The following CNTN4 variants were observed in gnomAD, a reference collection of about 807,000 sequenced individuals.
CNTN4 encodes the protein contactin-4.
Under a neutral mutation model 122.5 loss-of-function variants are expected in CNTN4, and 77 were observed. The observed-to-expected ratio is 0.63, with a 90% CI of 0.52 to 0.76. The LOEUF (loss-of-function observed/expected upper bound fraction) is 0.76. Ranked by LOEUF, CNTN4 falls within the 30% of genes least tolerant of loss-of-function variation. The pLI, the probability that CNTN4 is intolerant of heterozygous loss-of-function variation, is 0.00. For missense variants in CNTN4, 1,256 were observed against 1,259.1 expected, an observed-to-expected ratio of 1.00 and a Z score of 0.04; for synonymous variants, 512 against 447.0, an observed-to-expected ratio of 1.15 and a Z score of -1.83.
chr3:2,922,248 C>A (rs1041054640), intron 12 of CNTN4, among the ~76,000 whole-genome samples: 28 of 152,208 alleles, frequency 1.8e-4, no homozygotes, highest in African/African-American at 6.5e-4. Flanking sequence ...TAATAGTGCC[C>A]TTCTGGGGAT....
rs185487946 is a variant in CNTN4 at position 2,310,833 on chromosome 3, G to T, written c.-144-28345G>T. Among the ~76,000 whole-genome samples, 326 of 152,178 alleles carry T rather than the reference G, an allele frequency of 2.1e-3. 1 individual carries two copies. Among genetic ancestry groups the T allele is most frequent in the African/African-American group, 7.4e-3 (308 of 41,542 alleles). On this transcript the variant is annotated intron_variant, in intron 2 of 24. Coordinates refer to ENST00000418658, the MANE Select transcript of CNTN4 (RefSeq NM_175607.3). ...ATACAGAAATAAAAGGATTGCATTTGAATACTGAAAAATTGTCTTACTGCC... is the reference window on the plus strand; with the variant it reads ...ATACAGAAATAAAAGGATTGCATTTTAATACTGAAAAATTGTCTTACTGCC...
chr3:2,334,650 G>A (rs1210738171), intron 2 of CNTN4, among the ~76,000 whole-genome samples: 2 of 152,146 alleles, frequency 1.3e-5, no homozygotes, highest in Non-Finnish European at 2.9e-5. Context: ...AATGTACAGA[G>A]TGACTAAGCG....
intron 4 of CNTN4, among the ~76,000 whole-genome samples, chr3:2,706,301 A>T (rs1319549688): frequency 6.6e-6 from 1 of 152,088 alleles, no homozygotes; most frequent in Non-Finnish European, 1.5e-5. Context: ...CCTGGTTTCC[A>T]TCCACTCAGA....
At chr3:2,538,739 G>T (rs1298097101) in intron 3 of CNTN4, among the ~76,000 whole-genome samples, 1 of 151,782 alleles carries the variant, frequency 6.6e-6, no homozygotes, top group African/African-American at 2.4e-5. Flanking sequence ...GAATAACAAA[G>T]AAATAAAATA....
At chr3:2,491,359 C>T (rs887785849) in intron 3 of CNTN4, among the ~76,000 whole-genome samples, 12 of 152,230 alleles carry the variant, frequency 7.9e-5, no homozygotes, top group East Asian at 1.9e-4. Flanking sequence ...AGATGCCTTA[C>T]GCTCTAATGG....
intron 15 of CNTN4, among the ~76,000 whole-genome samples, chr3:3,027,327 G>A (rs566261644): frequency 2.3e-4 from 35 of 152,262 alleles, no homozygotes; most frequent in African/African-American, 7.0e-4. Context: ...AAGTTAATTC[G>A]TTACATCAGT....
intron 2 of CNTN4, among the ~76,000 whole-genome samples, chr3:2,207,032 A>G (rs1450356333): frequency 1.3e-5 from 2 of 150,982 alleles, no homozygotes; most frequent in East Asian, 2.0e-4. Context: ...TCTTATTATT[A>G]TATTGTTACA....
chr3:2,235,041 G>A (rs868133976), intron 2 of CNTN4, among the ~76,000 whole-genome samples: 3 of 152,092 alleles, frequency 2.0e-5, no homozygotes, highest in African/African-American at 4.8e-5. Flanking sequence ...CTTATCTGTT[G>A]TATAGATAAC....
intron 7 of CNTN4, among the ~76,000 whole-genome samples, chr3:2,845,336 T>C (rs2093437785): frequency 6.6e-6 from 1 of 152,100 alleles, no homozygotes; most frequent in Non-Finnish European, 1.5e-5. Context: ...CCTAGTCCAC[T>C]GTCAACTTTA....
At chr3:2,730,043 A>G (rs1391419150) in intron 4 of CNTN4, among the ~76,000 whole-genome samples, 1 of 152,242 alleles carries the variant, frequency 6.6e-6, no homozygotes, top group African/African-American at 2.4e-5. Context: ...CCTGTTAACA[A>G]GCACTCTTAG....
intron 7 of CNTN4, among the ~76,000 whole-genome samples, chr3:2,856,892 T>G (rs1040634413): frequency 1.3e-5 from 2 of 152,198 alleles, no homozygotes; most frequent in Non-Finnish European, 1.5e-5. Flanking sequence ...ACAGAGGATT[T>G]GTGTGGGAAG....
intron 23 of CNTN4, among the ~76,000 whole-genome samples, chr3:3,045,828 C>G (rs1374049140): frequency 2.0e-5 from 3 of 152,272 alleles, no homozygotes. Flanking sequence ...CCAAACTTCT[C>G]CGAGCTAAAG....
chr3:2,378,748 G>A (rs1167050528), intron 3 of CNTN4, among the ~76,000 whole-genome samples: 1 of 149,552 alleles, frequency 6.7e-6, no homozygotes, highest in South Asian at 2.1e-4. Context: ...TTTTTTTTTT[G>A]AAGAAGGATT....
chr3:2,852,537 G>A (rs1194295242), intron 7 of CNTN4, among the ~76,000 whole-genome samples: 1 of 152,096 alleles, frequency 6.6e-6, no homozygotes, highest in Admixed American at 6.5e-5. Context: ...GTGCTACCAT[G>A]TGCTCGACAC....
chr3:2,112,527 T>C (rs1351947988), intron 2 of CNTN4, among the ~76,000 whole-genome samples: 2 of 152,160 alleles, frequency 1.3e-5, no homozygotes, highest in Non-Finnish European at 2.9e-5. Flanking sequence ...CCTATGTGTT[T>C]TTACAGCCTT....
chr3:2,377,384 T>C (rs564352830), intron 3 of CNTN4, among the ~76,000 whole-genome samples: 1 of 152,318 alleles, frequency 6.6e-6, no homozygotes, highest in Non-Finnish European at 1.5e-5. Flanking sequence ...ATGCCTGCAA[T>C]CCTCAGTCAT....
chr3:2,522,812 A>G (rs921728202), intron 3 of CNTN4, among the ~76,000 whole-genome samples: 2 of 152,182 alleles, frequency 1.3e-5, no homozygotes, highest in African/African-American at 2.4e-5. Flanking sequence ...TTCAGCCCAC[A>G]TGAGATTTCC....
intron 6 of CNTN4, among the ~76,000 whole-genome samples, chr3:2,801,298 T>A (rs2092340486): frequency 6.6e-6 from 1 of 152,218 alleles, no homozygotes. Flanking sequence ...AACTTAGTAA[T>A]ATCAGGGTAG....
chr3:3,009,733 A>G (rs1209581298), intron 14 of CNTN4, among the ~76,000 whole-genome samples: 2 of 152,170 alleles, frequency 1.3e-5, no homozygotes, highest in African/African-American at 4.8e-5. Context: ...GCGCCCGGCC[A>G]GCATTTCTTT....
Sources: allele counts gnomAD v4.1 joint callset (sites outside exome capture counted in the v4.1 genomes callset), GRCh38; gene constraint gnomAD v4.1.1; transcripts MANE v1.5; gene names NCBI Gene and HGNC (gene_info 2026-07-23, HGNC 2026-07-21).